The following NFE2 variants were observed in gnomAD, a reference collection of about 807,000 sequenced individuals.
The protein encoded by NFE2 is transcription factor NF-E2 45 kDa subunit.
A neutral mutation model predicts 25.8 loss-of-function variants in NFE2; 13 were observed. That is an observed-to-expected ratio of 0.50 (90% CI 0.33 to 0.80). NFE2 has a LOEUF of 0.80. Ranked by LOEUF, NFE2 falls within the 30% of genes least tolerant of loss-of-function variation. NFE2 has a pLI of 0.02. For synonymous variants in NFE2, 204 were observed against 200.2 expected, an observed-to-expected ratio of 1.02 and a Z score of -0.16; for missense variants, 382 against 478.9, an observed-to-expected ratio of 0.80 and a Z score of 1.89.
intron 1 of NFE2, among the ~76,000 whole-genome samples, chr12:54,299,087 G>A (rs1944399768): frequency 6.6e-6 from 1 of 151,926 alleles, no homozygotes; most frequent in Non-Finnish European, 1.5e-5. Flanking sequence ...AGGGGAGGCA[G>A]GAGTTTGGGG....
intron 2 of NFE2, among the ~76,000 whole-genome samples, chr12:54,294,066 C>T (rs985912451): frequency 1.3e-5 from 2 of 151,896 alleles, no homozygotes; most frequent in Non-Finnish European, 2.9e-5. Flanking sequence ...AGATCAAGAA[C>T]GTCCTGGCTA....
chr12:54,295,901 A>G (rs1244220898), intron 1 of NFE2: 1 of 153,468 alleles, frequency 6.5e-6, no homozygotes, highest in Non-Finnish European at 1.4e-5. Flanking sequence ...TGCCTGGGCC[A>G]GATAAGAGGT....
Position 54,292,550 on chromosome 12 carries a change from C to G in NFE2, c.946G>C (p.Asp316His), listed in dbSNP as rs1457053141. The G allele has an allele frequency of 6.2e-7, 1 of 1,614,088 alleles. No homozygotes were observed. Among genetic ancestry groups the G allele is most frequent in the Non-Finnish European group, 8.5e-7 (1 of 1,180,048 alleles). Residue 316 changes from aspartate (D) to histidine (H), a missense_variant, in exon 3 of 3, where the codon GAC becomes CAC. Transcript: ENST00000435572. ...ERLLRARGEA[D>H]RTLEVMRQQL... ...TGGCGCATGACCTCCAGGGTCCGGT[C>G]TGCCTCCCCGCGGGCCCTGAGAAGC... is the stretch of plus-strand genomic sequence containing the variant.
intron 1 of NFE2, among the ~76,000 whole-genome samples, chr12:54,299,158 G>A (rs2137061584): frequency 6.6e-6 from 1 of 152,234 alleles, no homozygotes; most frequent in South Asian, 2.1e-4. Context: ...GCAGTAGCAA[G>A]TTTGTACCAG....
At position 54,292,505 on chromosome 12, in the gene NFE2, G is replaced by C. The variant is rs1377511701; in HGVS notation, c.991C>G (p.Arg331Gly). 6.2e-7 allele frequency: 1 copy of C among 1,614,156 alleles called. No homozygotes were observed. Among genetic ancestry groups the C allele is most frequent in the South Asian group, 1.1e-5 (1 of 91,076 alleles). The change falls in exon 3 of 3, where the codon CGT becomes GGT. Residue 331 changes from arginine (R) to glycine (G), a missense_variant. Coordinates refer to ENST00000435572, the MANE Select transcript of NFE2 (RefSeq NM_001136023.3). The part of the protein sequence containing the change: ...VMRQQLTELY[R>G]DIFQHLRDES... ...TCCCGAAGGTGCTGGAAAATGTCAC[G>C]GTACAGCTCTGTCAGCTGTTGGCGC...
At chr12:54,298,580 T>C (rs1445102761) in intron 1 of NFE2, among the ~76,000 whole-genome samples, 3 of 150,638 alleles carry the variant, frequency 2.0e-5, no homozygotes, top group East Asian at 2.0e-4. Flanking sequence ...TTCCATTAAA[T>C]GGAGACAGGA....
At position 54,292,307 on chromosome 12, in the gene NFE2, T is replaced by A; in HGVS notation, c.*67A>T. On this transcript the variant is annotated 3_prime_UTR_variant, in exon 3 of 3. Coordinates refer to ENST00000435572, the MANE Select transcript of NFE2 (RefSeq NM_001136023.3). ...CTCAGCTCCTTCTGGGACTCAGGGTTGGGGAGTACCTTTATCAGAAGGGAA... is the reference window on the plus strand; with the variant it reads ...CTCAGCTCCTTCTGGGACTCAGGGTAGGGGAGTACCTTTATCAGAAGGGAA... The A allele has an allele frequency of 1.3e-6, 2 of 1,528,044 alleles. No homozygotes were observed. Among genetic ancestry groups the A allele is most frequent in the Non-Finnish European group, 1.8e-6 (2 of 1,119,480 alleles). 94.7% of individuals were successfully genotyped at this position (1,528,044 alleles called of 1,614,324 possible). A position where few individuals can be genotyped will look rare whatever the true frequency, so the allele number is the denominator to read the frequency against.
chr12:54,296,501 AG>A (rs1944374341), intron 1 of NFE2, among the ~76,000 whole-genome samples: 1 of 151,798 alleles, frequency 6.6e-6, no homozygotes, highest in East Asian at 1.9e-4. Context: ...TAGCAGGATG[AG>A]GTCCAGAACC....
At chr12:54,299,002 G>A (rs901114786) in intron 1 of NFE2, among the ~76,000 whole-genome samples, 1 of 150,666 alleles carries the variant, frequency 6.6e-6, no homozygotes, top group South Asian at 2.1e-4. Context: ...GGTGAGCTGA[G>A]ATCATGCCAC....
At chr12:54,300,508 C>A (rs1944413745) in intron 1 of NFE2, among the ~76,000 whole-genome samples, 1 of 152,156 alleles carries the variant, frequency 6.6e-6, no homozygotes, top group Non-Finnish European at 1.5e-5. Context: ...AGGATTCCTC[C>A]TGGCTACTCC....
At chr12:54,294,992 A>C in intron 2 of NFE2, 143 bp downstream of exon 2, 1 of 662,856 alleles carries the variant, frequency 1.5e-6, no homozygotes, top group African/African-American at 1.8e-5. Context: ...TTCCATCCGG[A>C]TCTTTCCCTT....
intron 1 of NFE2, among the ~76,000 whole-genome samples, chr12:54,299,595 A>AT (rs557948124): frequency 1.7e-4 from 26 of 152,140 alleles, no homozygotes; most frequent in Non-Finnish European, 3.2e-4. Flanking sequence ...ACCCAGAAAG[A>AT]TTTTTATCAT....
At position 54,293,356 on chromosome 12, in the gene NFE2, G is replaced by A; in HGVS notation, c.140C>T (p.Ser47Leu). 2.6e-6 allele frequency: 4 copies of A among 1,537,468 alleles called. No individual in the cohort carries two copies. The highest frequency in any genetic ancestry group is 3.5e-6 in the Non-Finnish European group (4 of 1,136,768). The change falls in exon 3 of 3, where the codon TCA becomes TTA. Residue 47 changes from serine to leucine, a missense_variant. Transcript: ENST00000435572. ...LQGLNAPSEP[S>L]FEPQAPAPYL... ...TGGAGCTGGGGCTTGGGGCTCAAATGATGGCTCACTTGGAGCATTCAGACC... is the reference window on the plus strand; with the variant it reads ...TGGAGCTGGGGCTTGGGGCTCAAATAATGGCTCACTTGGAGCATTCAGACC...
chr12:54,295,348 T>G, intron 1 of NFE2, 44 bp from the exon 2 acceptor site: 3 of 924,996 alleles, frequency 3.2e-6, no homozygotes, highest in Non-Finnish European at 5.1e-6. Flanking sequence ...CCTGCTAGGG[T>G]CAGCAAGTTT....
At chr12:54,294,471 G>C (rs538195812) in intron 2 of NFE2, among the ~76,000 whole-genome samples, 82 of 152,188 alleles carry the variant, frequency 5.4e-4, no homozygotes, top group African/African-American at 2.0e-3. Flanking sequence ...TAGTAAAAGG[G>C]GGGTGGCTGG....
chr12:54,293,421 G>A (rs1312903032), intron 2 of NFE2, 40 bp from the exon 3 acceptor site: 3 of 1,409,956 alleles, frequency 2.1e-6, no homozygotes, highest in Non-Finnish European at 2.8e-6. Flanking sequence ...GACAGACTAA[G>A]GAAGAGAAAC....
rs1944323481 is a variant in NFE2, at chr12:54,292,294, T to A, written c.*80A>T. 1 of 1,470,478 alleles carries A rather than the reference T, an allele frequency of 6.8e-7. No homozygotes were observed. 91.1% of individuals were successfully genotyped at this position (1,470,478 alleles called of 1,614,324 possible). The stretch of plus-strand genomic sequence containing the variant: ...CTGGTCTAGAGAACTCAGCTCCTTC[T>A]GGGACTCAGGGTTGGGGAGTACCTT... On this transcript the variant is annotated 3_prime_UTR_variant, in exon 3 of 3. Transcript: ENST00000435572.
At chr12:54,299,768 C>G (rs1944406178) in intron 1 of NFE2, among the ~76,000 whole-genome samples, 1 of 152,110 alleles carries the variant, frequency 6.6e-6, no homozygotes, top group Non-Finnish European at 1.5e-5. Flanking sequence ...GGGGGCTTGC[C>G]TCAGGATCCC....
chr12:54,293,236 G>A lies in NFE2; in HGVS notation c.260C>T (p.Ala87Val), dbSNP rs771670116. The stretch of plus-strand genomic sequence containing the variant: ...GGGATCTGGGACATGGGATGTGGAT[G>A]CTGGGAGCTCATAAGGTGGTGGAGG... ...PLPPPPYELP[A>V]STSHVPDPPY... is the part of the protein sequence containing the mutation. The change falls in exon 3 of 3, where the codon GCA (alanine) becomes GTA (valine). Residue 87 changes from alanine (A) to valine (V), a missense_variant. By Grantham distance (64) the Ala-to-Val change is moderately conservative. Transcript: ENST00000435572. The A allele has an allele frequency of 1.7e-5, 28 of 1,610,770 alleles. No individual in the cohort carries two copies. Among genetic ancestry groups the A allele is most frequent in the Non-Finnish European group, 1.7e-6 (2 of 1,178,506 alleles).
Sources: gnomAD v4.1 joint callset for allele counts (sites outside exome capture counted in the v4.1 genomes callset) on GRCh38, gnomAD v4.1.1 for gene constraint, MANE v1.5 for transcripts, NCBI Gene and HGNC (gene_info 2026-07-23, HGNC 2026-07-21) for gene names.